The following SCN2A variants were observed in gnomAD, a reference collection of about 807,000 sequenced individuals.
SCN2A encodes the protein sodium voltage-gated channel alpha subunit 2.
SCN2A carries 20 observed loss-of-function variants against 188.7 expected under a neutral mutation model. That is an observed-to-expected ratio of 0.11 (90% CI 0.07 to 0.15). SCN2A has a LOEUF of 0.15. Ranked by LOEUF, SCN2A falls within the 10% of genes least tolerant of loss-of-function variation. SCN2A has a pLI of 1.00. For missense variants in SCN2A, 1,278 were observed against 2,445.0 expected, an observed-to-expected ratio of 0.52 and a Z score of 10.07; for synonymous variants, 804 against 833.1, an observed-to-expected ratio of 0.97 and a Z score of 0.60.
intron 18 of SCN2A, among the ~76,000 whole-genome samples, chr2:165,366,570 C>G (rs908236301): frequency 1.3e-5 from 2 of 151,672 alleles, no homozygotes; most frequent in Non-Finnish European, 2.9e-5. Flanking sequence ...CCATCTCTAC[C>G]GGGCGTAGTG....
intron 22 of SCN2A, among the ~76,000 whole-genome samples, chr2:165,375,801 A>C (rs1208478956): frequency 1.3e-5 from 2 of 151,870 alleles, no homozygotes; most frequent in African/African-American, 4.8e-5. Context: ...GGATGTATAT[A>C]TATGTGTGTG....
chr2:165,350,518 G>T (rs978760094), intron 16 of SCN2A, among the ~76,000 whole-genome samples: 8 of 132,058 alleles, frequency 6.1e-5, no homozygotes, highest in African/African-American at 2.3e-4. Context: ...TGTCGCCCAG[G>T]CTGGAGTGCA....
intron 6 of SCN2A, 67 bp from the exon 7 acceptor site, chr2:165,310,256 A>G: frequency 6.6e-7 from 1 of 1,506,210 alleles, no homozygotes; most frequent in South Asian, 1.1e-5. Flanking sequence ...CAAGCTCATG[A>G]TATTTTTGCC....
intron 8 of SCN2A, among the ~76,000 whole-genome samples, chr2:165,312,344 A>G (rs1451606218): frequency 6.6e-6 from 1 of 152,192 alleles, no homozygotes; most frequent in African/African-American, 2.4e-5. Context: ...AGAATAAAGC[A>G]GTATAATATG....
intron 17 of SCN2A, among the ~76,000 whole-genome samples, chr2:165,361,292 A>G (rs181923137): frequency 6.6e-5 from 10 of 152,138 alleles, no homozygotes; most frequent in Admixed American, 6.6e-4. Flanking sequence ...AACTATGAAT[A>G]TAACTTGAAT....
intron 1 of SCN2A, among the ~76,000 whole-genome samples, chr2:165,287,284 G>A (rs963544505): frequency 6.6e-6 from 1 of 152,180 alleles, no homozygotes; most frequent in Non-Finnish European, 1.5e-5. Context: ...GGAGCAGGCT[G>A]TACACATGTG....
chr2:165,352,295 G>A (rs977737880), intron 16 of SCN2A, among the ~76,000 whole-genome samples: 1 of 151,826 alleles, frequency 6.6e-6, no homozygotes, highest in African/African-American at 2.4e-5. Context: ...TGATTATCAG[G>A]AGTCATAGTA....
intron 17 of SCN2A, 46 bp from the exon 18 acceptor site, chr2:165,365,097 T>G: frequency 6.4e-7 from 1 of 1,557,550 alleles, no homozygotes; most frequent in Non-Finnish European, 8.8e-7. Context: ...TATATTTAGA[T>G]TAAAGAAAAT....
At chr2:165,291,035 C>CTTTTTTTTTTT (rs55979694) in intron 1 of SCN2A, among the ~76,000 whole-genome samples, 39 of 79,954 alleles carry the variant, frequency 4.9e-4, no homozygotes, top group East Asian at 1.3e-3. Flanking sequence ...TCTTTTCTTT[C>CTTTTTTTTTTT]TTTTTTTTTT....
chr2:165,265,367 AT>A (rs1694794231), intron 1 of SCN2A, among the ~76,000 whole-genome samples: 1 of 147,158 alleles, frequency 6.8e-6, no homozygotes, highest in Non-Finnish European at 1.5e-5. Flanking sequence ...TTTCTTGTAA[AT>A]TTGTTTAAGT....
At chr2:165,352,060 G>A (rs984185017) in intron 16 of SCN2A, among the ~76,000 whole-genome samples, 56 of 151,928 alleles carry the variant, frequency 3.7e-4, no homozygotes, top group African/African-American at 1.2e-3. Context: ...TGATGGATGT[G>A]TATCAAGAAA....
At chr2:165,296,158 AT>A in intron 2 of SCN2A, 68 bp downstream of exon 2, 1 of 1,487,314 alleles carries the variant, frequency 6.7e-7, no homozygotes, top group East Asian at 2.3e-5. Context: ...CCCAGGGATG[AT>A]GGTGAAGAAG....
intron 3 of SCN2A, among the ~76,000 whole-genome samples, chr2:165,303,322 C>A (rs1574542164): frequency 1.5e-5 from 2 of 129,304 alleles, no homozygotes; most frequent in Non-Finnish European, 3.1e-5. Context: ...GTCGCCCTGG[C>A]TGGAGTGCAG....
At chr2:165,242,483 TTTAGTTATCATTA>T (rs1462588121) in intron 1 of SCN2A, among the ~76,000 whole-genome samples, 2 of 152,046 alleles carry the variant, frequency 1.3e-5, no homozygotes, top group African/African-American at 4.8e-5. Context: ...AGATGATGGA[TTTAGTTATCATTA>T]TTAGGTCATA....
rs1700072264 is a variant in SCN2A at position 165,354,289 on chromosome 2, C to T, written c.3017C>T (p.Ala1006Val). 8 of 1,613,984 alleles carry T rather than the reference C, an allele frequency of 5.0e-6. No homozygotes were observed. Among genetic ancestry groups the T allele is most frequent in the Non-Finnish European group, 5.1e-6 (6 of 1,179,988 alleles). ...DDNEMNNLQI[A>V]VGRMQKGIDF... Reference sequence around the variant, plus strand: ...AACGAAATGAATAATCTCCAGATTGCTGTGGGAAGGATGCAGAAAGGAATC... The same window carrying T: ...AACGAAATGAATAATCTCCAGATTGTTGTGGGAAGGATGCAGAAAGGAATC... The change falls in exon 17 of 27, where the codon GCT becomes GTT. Residue 1006 changes from alanine to valine, a missense_variant. By Grantham distance (64) the Ala-to-Val change is moderately conservative (BLOSUM62 0). Transcript: ENST00000375437.
At position 165,381,089 on chromosome 2, in the gene SCN2A, T is replaced by C; in HGVS notation, c.4447-4T>C. ...TTTAACAAGTGTTGCTTTCATTTCTTTACTTTGGAGGTCAAGACATTTTTA... is the reference window on the plus strand; with the variant it reads ...TTTAACAAGTGTTGCTTTCATTTCTCTACTTTGGAGGTCAAGACATTTTTA... On this transcript the variant is annotated splice_region_variant and splice_polypyrimidine_tract_variant and intron_variant, in intron 24 of 26. Coordinates refer to ENST00000375437, the MANE Select transcript of SCN2A (RefSeq NM_001040142.2). The C allele has an allele frequency of 6.4e-7, 1 of 1,562,512 alleles. No individual in the cohort carries two copies. The highest frequency in any genetic ancestry group is 2.3e-5 in the East Asian group (1 of 43,858).
intron 14 of SCN2A, among the ~76,000 whole-genome samples, chr2:165,336,931 C>T: frequency 6.6e-6 from 1 of 151,782 alleles, no homozygotes; most frequent in South Asian, 2.1e-4. Context: ...AGATGATATG[C>T]AACGAAATAG....
intron 1 of SCN2A, among the ~76,000 whole-genome samples, chr2:165,289,978 C>T (rs1275321865): frequency 6.6e-6 from 1 of 152,116 alleles, no homozygotes; most frequent in African/African-American, 2.4e-5. Context: ...AATCTGCAGC[C>T]AGCAAGCATG....
At chr2:165,333,606 A>T (rs1032524345) in intron 14 of SCN2A, among the ~76,000 whole-genome samples, 2 of 151,872 alleles carry the variant, frequency 1.3e-5, no homozygotes, top group Admixed American at 6.6e-5. Context: ...GATGACTGAA[A>T]ATCAAAACAA....
Sources: allele counts gnomAD v4.1 joint callset (sites outside exome capture counted in the v4.1 genomes callset), GRCh38; gene constraint gnomAD v4.1.1; transcripts MANE v1.5; gene names NCBI Gene and HGNC (gene_info 2026-07-23, HGNC 2026-07-21).